Variants in GSG1L observed in about 807,000 individuals in gnomAD.
The protein encoded by GSG1L is germ cell-specific gene 1-like protein.
A neutral mutation model predicts 42.1 loss-of-function variants in GSG1L; 24 were observed. The ratio of observed to expected loss-of-function variants is 0.57; its 90% CI spans 0.41 to 0.80. The LOEUF (loss-of-function observed/expected upper bound fraction) is 0.80. Among genes scored for constraint, GSG1L ranks in the 30% least tolerant of loss-of-function variants. The pLI is 0.00. For synonymous variants in GSG1L, 215 were observed against 203.5 expected, an observed-to-expected ratio of 1.06 and a Z score of -0.48; for missense variants, 445 against 472.2, an observed-to-expected ratio of 0.94 and a Z score of 0.53.
At chr16:27,979,380 A>G (rs1293804775) in intron 1 of GSG1L, among the ~76,000 whole-genome samples, 1 of 151,842 alleles carries the variant, frequency 6.6e-6, no homozygotes, top group African/African-American at 2.4e-5. Context: ...AGCCTGGCCA[A>G]CATAATGAAA....
chr16:27,986,370 T>G (rs567843376), intron 1 of GSG1L, among the ~76,000 whole-genome samples: 39 of 151,980 alleles, frequency 2.6e-4, no homozygotes, highest in Non-Finnish European at 4.4e-5. Flanking sequence ...CGTGGTGGTG[T>G]GCACCTGTAA....
intron 2 of GSG1L, among the ~76,000 whole-genome samples, chr16:27,950,064 A>T (rs955594948): frequency 6.6e-6 from 1 of 152,186 alleles, no homozygotes; most frequent in African/African-American, 2.4e-5. Flanking sequence ...TTTTAACCCT[A>T]TCTGTGAATC....
intron 3 of GSG1L, among the ~76,000 whole-genome samples, chr16:27,871,940 A>G (rs569024957): frequency 6.6e-6 from 1 of 152,204 alleles, no homozygotes; most frequent in African/African-American, 2.4e-5. Flanking sequence ...GGGTGATGAA[A>G]ATATTTTAAA....
At chr16:27,827,730 A>C (rs557536190) in intron 5 of GSG1L, among the ~76,000 whole-genome samples, 1 of 152,240 alleles carries the variant, frequency 6.6e-6, no homozygotes, top group South Asian at 2.1e-4. Context: ...AACTCCTGAA[A>C]TTCATCCAGC....
intron 2 of GSG1L, among the ~76,000 whole-genome samples, chr16:27,947,421 A>AAAGAAAGAGAAGGAAGG (rs1555510008): frequency 4.7e-5 from 7 of 149,082 alleles, no homozygotes; most frequent in African/African-American, 1.5e-4. Context: ...AGAAAGAAAG[A>AAAGAAAGAGAAGGAAGG]AAGAAAGAGA....
rs535837956 is a variant in GSG1L at position 27,876,402 on chromosome 16, C to T, written c.550+8084G>A. 9.3e-4 allele frequency among the ~76,000 whole-genome samples: 141 copies of T among 152,264 alleles called. 4 individuals are homozygous for T. In the South Asian group the frequency reaches 0.029, roughly 32 times the overall value. ...AGAAGTGTAACAGGAAGGAAGCCTT[C>T]CTTGGGGGAAGGTGTCATGATTGAA... On this transcript the variant is annotated intron_variant, in intron 3 of 6. Coordinates refer to ENST00000447459, the MANE Select transcript of GSG1L (RefSeq NM_001109763.2).
intron 1 of GSG1L, among the ~76,000 whole-genome samples, chr16:27,999,004 G>A (rs183717159): frequency 1.7e-4 from 26 of 152,096 alleles, no homozygotes; most frequent in African/African-American, 5.6e-4. Context: ...TATATGACAC[G>A]TGTCACTTGG....
At chr16:27,941,709 C>T (rs1050652201) in intron 2 of GSG1L, among the ~76,000 whole-genome samples, 6 of 151,902 alleles carry the variant, frequency 3.9e-5, no homozygotes, top group Non-Finnish European at 8.8e-5. Context: ...AAGGGACCCA[C>T]CTGTCCCTCA....
intron 5 of GSG1L, among the ~76,000 whole-genome samples, chr16:27,814,483 A>G (rs772850897): frequency 2.0e-5 from 3 of 152,188 alleles, no homozygotes; most frequent in African/African-American, 7.2e-5. Context: ...CTCAGGGTCT[A>G]GCACAGTGTG....
chr16:27,831,359 A>C (rs755402714), intron 4 of GSG1L, among the ~76,000 whole-genome samples: 4 of 152,144 alleles, frequency 2.6e-5, no homozygotes, highest in Admixed American at 1.3e-4. Flanking sequence ...TTCTACCCTG[A>C]AGCCAGTTTG....
chr16:28,057,408 G>A (rs376379890), intron 1 of GSG1L, among the ~76,000 whole-genome samples: 1 of 152,268 alleles, frequency 6.6e-6, no homozygotes, highest in Non-Finnish European at 1.5e-5. Context: ...GGCAATTCGT[G>A]TAAACTGAGG....
intron 1 of GSG1L, among the ~76,000 whole-genome samples, chr16:28,000,176 G>A (rs992545658): frequency 1.3e-5 from 2 of 152,194 alleles, no homozygotes; most frequent in Non-Finnish European, 2.9e-5. Context: ...GCGCTCAAAA[G>A]TTAGGCCACA....
At chr16:28,051,430 A>G (rs2086220791) in intron 1 of GSG1L, among the ~76,000 whole-genome samples, 1 of 152,130 alleles carries the variant, frequency 6.6e-6, no homozygotes, top group Non-Finnish European at 1.5e-5. Context: ...AGTGATTTGC[A>G]AAAGCGTGGG....
intron 1 of GSG1L, among the ~76,000 whole-genome samples, chr16:27,990,053 C>T (rs1253291255): frequency 6.6e-6 from 1 of 152,098 alleles, no homozygotes; most frequent in African/African-American, 2.4e-5. Context: ...TAGAAACGTC[C>T]AGGGCTCTTA....
chr16:27,933,648 C>CAAAAA lies in GSG1L; in HGVS notation c.397+29503_397+29507dup, dbSNP rs55936452. Among the ~76,000 whole-genome samples, 102 of 93,900 alleles carry CAAAAA rather than the reference C, an allele frequency of 1.1e-3. 1 individual carries two copies. Among genetic ancestry groups the CAAAAA allele is most frequent in the Non-Finnish European group, 1.7e-3 (82 of 49,438 alleles). The allele number at this position is 93,900 out of a possible 152,430, so 61.6% of individuals were successfully genotyped here. On this transcript the variant is annotated intron_variant, in intron 2 of 6. Coordinates refer to ENST00000447459, the MANE Select transcript of GSG1L (RefSeq NM_001109763.2). ...TGGGTGACAGAGCAAGACTTTGTCA[C>CAAAAA]AAAAAAAAAAAAAAAAAAAAAGTGT...
At chr16:28,030,983 T>C (rs2085955297) in intron 1 of GSG1L, among the ~76,000 whole-genome samples, 1 of 124,386 alleles carries the variant, frequency 8.0e-6, no homozygotes, top group African/African-American at 3.2e-5. Flanking sequence ...TGGGATGGGT[T>C]GCGATGGAAT....
At chr16:28,017,013 G>A (rs146445556) in intron 1 of GSG1L, among the ~76,000 whole-genome samples, 76 of 152,366 alleles carry the variant, frequency 5.0e-4, no homozygotes, top group African/African-American at 1.8e-3. Context: ...CCAAGGGAGA[G>A]AGATTGGATG....
At chr16:27,927,396 C>A (rs764982525) in intron 2 of GSG1L, among the ~76,000 whole-genome samples, 8 of 152,086 alleles carry the variant, frequency 5.3e-5, no homozygotes, top group Non-Finnish European at 8.8e-5. Flanking sequence ...TCTGACCTTG[C>A]CACCTCTCGC....
chr16:28,022,938 G>A, intron 1 of GSG1L, among the ~76,000 whole-genome samples: 1 of 152,066 alleles, frequency 6.6e-6, no homozygotes, highest in East Asian at 1.9e-4. Flanking sequence ...CCAAAGTGCT[G>A]GGATTACAGA....
Sources: allele counts gnomAD v4.1 joint callset (sites outside exome capture counted in the v4.1 genomes callset), GRCh38; gene constraint gnomAD v4.1.1; transcripts MANE v1.5; gene names NCBI Gene and HGNC (gene_info 2026-07-23, HGNC 2026-07-21).